PDZD8: variants seen among roughly 807,000 people sequenced by gnomAD.
PDZD8 encodes PDZ domain containing 8.
A neutral mutation model predicts 85.8 loss-of-function variants in PDZD8; 14 were observed. The observed-to-expected ratio is 0.16, with a 90% CI of 0.11 to 0.26. PDZD8 has a LOEUF of 0.26. Among genes scored for constraint, PDZD8 ranks in the 10% least tolerant of loss-of-function variants. The pLI, the probability that PDZD8 is intolerant of heterozygous loss-of-function variation, is 1.00. For synonymous variants in PDZD8, 592 were observed against 568.6 expected, an observed-to-expected ratio of 1.04 and a Z score of -0.59; for missense variants, 1,197 against 1,424.3, an observed-to-expected ratio of 0.84 and a Z score of 2.57.
In PDZD8 at chr10:117,301,116, G is replaced by A. The variant is rs192052004; in HGVS notation, c.1099-10768C>T. On this transcript the variant is annotated intron_variant, in intron 3 of 4. Transcript: ENST00000334464. Reference sequence around the variant, plus strand: ...TAATTCTCTTACCTCAGCCATCAGAGTAGCTGGGATTACAGGTGCGTGCCA... The same window carrying A: ...TAATTCTCTTACCTCAGCCATCAGAATAGCTGGGATTACAGGTGCGTGCCA... Among the ~76,000 whole-genome samples the A allele has an allele frequency of 1.4e-3, 220 of 152,206 alleles. 3 individuals carry two copies. The highest frequency in any genetic ancestry group is 0.013 in the Admixed American group (196 of 15,286).
chr10:117,330,935 A>T (rs1374437087), intron 2 of PDZD8, among the ~76,000 whole-genome samples: 3 of 152,138 alleles, frequency 2.0e-5, no homozygotes, highest in Non-Finnish European at 4.4e-5. Context: ...TCTACAATCC[A>T]TCTAGTTTCC....
intron 3 of PDZD8, among the ~76,000 whole-genome samples, chr10:117,293,970 T>C (rs1223222484): frequency 1.3e-5 from 2 of 151,804 alleles, no homozygotes; most frequent in Admixed American, 1.3e-4. Flanking sequence ...TAAAGAAAAA[T>C]CACAAGAGAA....
At position 117,375,402 on chromosome 10, in the gene PDZD8, C is replaced by T; in HGVS notation, c.-175G>A. 1 of 329,796 alleles carries T rather than the reference C, an allele frequency of 3.0e-6. No individual in the cohort carries two copies. Among genetic ancestry groups the T allele is most frequent in the Non-Finnish European group, 5.3e-6 (1 of 187,400 alleles). The allele number at this position is 329,796 out of a possible 1,614,324, so 20.4% of individuals were successfully genotyped here. A position where few individuals can be genotyped will look rare whatever the true frequency, so the allele number is the denominator to read the frequency against. On this transcript the variant is annotated 5_prime_UTR_variant, in exon 1 of 5. Transcript: ENST00000334464. ...CGCGCTGCGGCGCCCGAGCCCGCAG[C>T]GGCCCGCGCCTCCTCAGACGCTCCC...
intron 3 of PDZD8, 112 bp downstream of exon 3, chr10:117,318,760 A>T: frequency 1.4e-6 from 1 of 693,328 alleles, no homozygotes; most frequent in Non-Finnish European, 2.4e-6. Flanking sequence ...AGAACTGTTC[A>T]TAGCTATTTG....
intron 1 of PDZD8, among the ~76,000 whole-genome samples, chr10:117,356,663 A>G (rs1844899967): frequency 6.6e-6 from 1 of 152,230 alleles, no homozygotes; most frequent in African/African-American, 2.4e-5. Flanking sequence ...TGATAAGAGA[A>G]TAATATGTAC....
intron 2 of PDZD8, 89 bp downstream of exon 2, chr10:117,340,891 A>T: frequency 7.1e-7 from 1 of 1,403,344 alleles, no homozygotes; most frequent in Non-Finnish European, 9.7e-7. Context: ...AATATAATTT[A>T]AATGAACACA....
At chr10:117,301,953 T>A (rs747055262) in intron 3 of PDZD8, among the ~76,000 whole-genome samples, 4 of 152,126 alleles carry the variant, frequency 2.6e-5, no homozygotes, top group Non-Finnish European at 5.9e-5. Flanking sequence ...AGTTTAGAAG[T>A]GACTAAGTTA....
intron 3 of PDZD8, among the ~76,000 whole-genome samples, chr10:117,307,653 T>C (rs1459771966): frequency 6.6e-6 from 1 of 152,084 alleles, no homozygotes; most frequent in African/African-American, 2.4e-5. Flanking sequence ...CACCTATTTC[T>C]CTAGTACAAT....
intron 1 of PDZD8, among the ~76,000 whole-genome samples, chr10:117,350,268 CTTTT>C (rs55833923): frequency 2.6e-4 from 36 of 137,716 alleles, no homozygotes; most frequent in African/African-American, 3.2e-4. Context: ...TTGTTTGTTT[CTTTT>C]TTTTTTTTTT....
intron 1 of PDZD8, among the ~76,000 whole-genome samples, chr10:117,347,571 G>GGCCA (rs1456931110): frequency 1.3e-5 from 2 of 152,114 alleles, no homozygotes; most frequent in Non-Finnish European, 2.9e-5. Flanking sequence ...CTGTGTCACA[G>GGCCA]GCCATGTCAC....
At position 117,284,736 on chromosome 10, in the gene PDZD8, GA is replaced by G; in HGVS notation, c.1996del (p.Ser666ProfsTer25). 6.2e-7 allele frequency: 1 copy of G among 1,614,212 alleles called. No individual in the cohort carries two copies. The highest frequency in any genetic ancestry group is 8.5e-7 in the Non-Finnish European group (1 of 1,180,014). On this transcript the variant is annotated frameshift_variant, in exon 5 of 5. Coordinates refer to ENST00000334464, the MANE Select transcript of PDZD8 (RefSeq NM_173791.5). LOFTEE classifies it high-confidence loss of function. ...GTCCGAACTGTCCTTAGTAGGGCAGGAAGTTTCTGAAGTGACATCTTTGGCC... is the reference window on the plus strand; with the variant it reads ...GTCCGAACTGTCCTTAGTAGGGCAGGAGTTTCTGAAGTGACATCTTTGGCC... ...EVAKDVTSET[S>X]CPTKDSSDDR... is the part of the protein sequence containing the mutation.
chr10:117,294,337 A>AC (rs1565020242), intron 3 of PDZD8, among the ~76,000 whole-genome samples: 45 of 84,892 alleles, frequency 5.3e-4, no homozygotes, highest in East Asian at 1.9e-3. Context: ...CAAAAAAAAA[A>AC]AAAAAAAACA....
chr10:117,299,074 C>G (rs1429485605), intron 3 of PDZD8, among the ~76,000 whole-genome samples: 1 of 152,110 alleles, frequency 6.6e-6, no homozygotes, highest in Non-Finnish European at 1.5e-5. Flanking sequence ...TTGGCTGAAT[C>G]CCAAGATGTA....
Position 117,283,147 on chromosome 10 carries a change from C to A in PDZD8, c.*121G>T. On this transcript the variant is annotated 3_prime_UTR_variant, in exon 5 of 5. Coordinates refer to ENST00000334464, the MANE Select transcript of PDZD8 (RefSeq NM_173791.5). ...ACAACCTTTCTCATTTTTGTTCTTA[C>A]ACAAGCAAGTAACTGGAGAAGCAGG... 1.0e-6 allele frequency: 1 copy of A among 994,318 alleles called. No individual in the cohort carries two copies. Among genetic ancestry groups the A allele is most frequent in the South Asian group, 2.0e-5 (1 of 50,642 alleles). 61.6% of individuals were successfully genotyped at this position (994,318 alleles called of 1,614,324 possible).
intron 1 of PDZD8, among the ~76,000 whole-genome samples, chr10:117,366,066 T>G (rs1424157816): frequency 1.3e-5 from 2 of 152,020 alleles, no homozygotes; most frequent in Admixed American, 1.3e-4. Flanking sequence ...CAAAAAGACA[T>G]ACACTTCATA....
At chr10:117,363,362 T>C (rs1054203972) in intron 1 of PDZD8, among the ~76,000 whole-genome samples, 3 of 152,128 alleles carry the variant, frequency 2.0e-5, no homozygotes, top group Non-Finnish European at 4.4e-5. Context: ...TCCATGAAAG[T>C]TGTATCTGAG....
intron 1 of PDZD8, among the ~76,000 whole-genome samples, chr10:117,362,684 T>C (rs1263001844): frequency 6.6e-6 from 1 of 152,120 alleles, no homozygotes; most frequent in Admixed American, 6.5e-5. Flanking sequence ...CTTACTCAAA[T>C]ATTTTAAGTA....
rs530490308 is a variant in PDZD8, at chr10:117,281,428, A to C, written c.*1840T>G. On this transcript the variant is annotated 3_prime_UTR_variant, in exon 5 of 5. Coordinates refer to ENST00000334464, the MANE Select transcript of PDZD8 (RefSeq NM_173791.5). ...TAAATAAGTAATGAAGTATACTGAG[A>C]TGTTTTTGTTATAAACTTGGCTAAG... is the stretch of plus-strand genomic sequence containing the variant. 12 of 149,280 alleles carry C rather than the reference A, an allele frequency of 8.0e-5. No homozygotes were observed. Among genetic ancestry groups the C allele is most frequent in the South Asian group, 6.5e-4 (3 of 4,634 alleles). 9.2% of individuals were successfully genotyped at this position (149,280 alleles called of 1,614,324 possible).
chr10:117,296,493 T>C (rs1843760714), intron 3 of PDZD8, among the ~76,000 whole-genome samples: 1 of 152,080 alleles, frequency 6.6e-6, no homozygotes, highest in Admixed American at 6.6e-5. Context: ...AGAGAAGAAA[T>C]GGACCAAGAA....
Sources: allele counts gnomAD v4.1 joint callset (sites outside exome capture counted in the v4.1 genomes callset), GRCh38; gene constraint gnomAD v4.1.1; transcripts MANE v1.5; gene names NCBI Gene and HGNC (gene_info 2026-07-23, HGNC 2026-07-21).